Variants in ADAM9 observed in about 807,000 individuals in gnomAD.
The protein encoded by ADAM9 is disintegrin and metalloproteinase domain-containing protein 9.
A neutral mutation model predicts 108.1 loss-of-function variants in ADAM9; 54 were observed. That is an observed-to-expected ratio of 0.50 (90% CI 0.40 to 0.63). The LOEUF (loss-of-function observed/expected upper bound fraction) is 0.63. Among genes scored for constraint, ADAM9 ranks in the 20% least tolerant of loss-of-function variants. ADAM9 has a pLI of 0.00. For synonymous variants in ADAM9, 316 were observed against 336.0 expected, an observed-to-expected ratio of 0.94 and a Z score of 0.65; for missense variants, 830 against 997.7, an observed-to-expected ratio of 0.83 and a Z score of 2.26.
At chr8:39,081,244 C>T (rs1057031804) in intron 16 of ADAM9, among the ~76,000 whole-genome samples, 4 of 151,434 alleles carry the variant, frequency 2.6e-5, no homozygotes, top group South Asian at 2.1e-4. Flanking sequence ...CCACTGCACC[C>T]GGTCCCCACT....
At chr8:39,017,458 A>C in intron 6 of ADAM9, 44 bp downstream of exon 6, 1 of 1,581,028 alleles carries the variant, frequency 6.3e-7, no homozygotes, top group Non-Finnish European at 8.7e-7. Context: ...CTACCATTTT[A>C]GAAAAATCAT....
intron 16 of ADAM9, among the ~76,000 whole-genome samples, chr8:39,078,878 A>G (rs1385804074): frequency 2.0e-5 from 3 of 152,214 alleles, no homozygotes; most frequent in Non-Finnish European, 4.4e-5. Flanking sequence ...ATAGATAAGA[A>G]TTCAATTTTC....
chr8:39,064,519 A>G (rs572727329), intron 14 of ADAM9, among the ~76,000 whole-genome samples: 1 of 152,344 alleles, frequency 6.6e-6, no homozygotes, highest in African/African-American at 2.4e-5. Flanking sequence ...CAAGATGGAG[A>G]CACAGGAGAG....
At chr8:39,048,739 A>G (rs779065605) in intron 12 of ADAM9, among the ~76,000 whole-genome samples, 2 of 152,152 alleles carry the variant, frequency 1.3e-5, no homozygotes, top group Non-Finnish European at 2.9e-5. Context: ...CTTGCATTAC[A>G]TATTTAGGTG....
Position 39,013,373 on chromosome 8 carries a change from G to A in ADAM9, c.255-592G>A, listed in dbSNP as rs1056229082. ...TGAAAAATTTAGGGACATTATTTATGTTGTCTTAAATTTTTTGGAACTAGC... is the reference window on the plus strand; with the variant it reads ...TGAAAAATTTAGGGACATTATTTATATTGTCTTAAATTTTTTGGAACTAGC... On this transcript the variant is annotated intron_variant, in intron 3 of 21. Transcript: ENST00000487273. Among the ~76,000 whole-genome samples the A allele has an allele frequency of 7.8e-5, 5 of 63,946 alleles. No individual in the cohort carries two copies. In the Admixed American group the frequency reaches 9.8e-4, roughly 13 times the overall value. The allele number at this position is 63,946 out of a possible 152,430, so 42.0% of individuals were successfully genotyped here. A position where few individuals can be genotyped will look rare whatever the true frequency, so the allele number is the denominator to read the frequency against.
chr8:39,052,868 G>A (rs1232163994), intron 12 of ADAM9, among the ~76,000 whole-genome samples: 2 of 152,062 alleles, frequency 1.3e-5, no homozygotes, highest in Admixed American at 1.3e-4. Context: ...AGAATGACTT[G>A]GTTAGATGGT....
intron 5 of ADAM9, among the ~76,000 whole-genome samples, chr8:39,016,505 ATT>A (rs1836531632): frequency 6.6e-6 from 1 of 152,230 alleles, no homozygotes; most frequent in Non-Finnish European, 1.5e-5. Flanking sequence ...CACTTGTATT[ATT>A]TAAGACTTGT....
chr8:39,040,161 T>C (rs2129436114), intron 11 of ADAM9, among the ~76,000 whole-genome samples: 1 of 152,296 alleles, frequency 6.6e-6, no homozygotes, highest in South Asian at 2.1e-4. Context: ...GCGATTCTCC[T>C]ACCTCAGCCT....
rs754361731 is a variant in ADAM9, at chr8:39,042,116, A to G, written c.1301A>G (p.Lys434Arg). The G allele has an allele frequency of 6.2e-7, 1 of 1,613,982 alleles. No individual in the cohort carries two copies. The highest frequency in any genetic ancestry group is 1.1e-5 in the South Asian group (1 of 91,088). ...AGEECDCGTP[K>R]ECELDPCCEG... ...GAAGAGTGTGACTGTGGTACTCCAA[A>G]GGTCAGTTTAATTTTTGACTTTTGC... The change falls in exon 12 of 22, where the codon AAG (lysine) becomes AGG (arginine). Residue 434 changes from lysine (K) to arginine (R), a missense_variant and splice_region_variant. Lys to Arg is a conservative substitution (Grantham distance 26). This residue lies in a region of ADAM9 where 381 missense variants were observed against 539.8 expected (regional missense o/e 0.71). Transcript: ENST00000487273.
intron 20 of ADAM9, among the ~76,000 whole-genome samples, chr8:39,093,853 T>G (rs1839423938): frequency 6.6e-6 from 1 of 152,250 alleles, no homozygotes; most frequent in South Asian, 2.1e-4. Flanking sequence ...TACTGCAACC[T>G]CTTTCTCACA....
At chr8:39,057,745 G>C (rs1838171999) in intron 14 of ADAM9, among the ~76,000 whole-genome samples, 1 of 152,072 alleles carries the variant, frequency 6.6e-6, no homozygotes, top group Non-Finnish European at 1.5e-5. Context: ...ATTGGATGGG[G>C]CCCACCTCCA....
intron 11 of ADAM9, among the ~76,000 whole-genome samples, chr8:39,031,692 C>A (rs756062902): frequency 4.6e-5 from 7 of 152,182 alleles, no homozygotes; most frequent in Non-Finnish European, 7.3e-5. Flanking sequence ...TGTTCCGTTG[C>A]TGGCGAGGAG....
chr8:39,091,463 A>G (rs1839352353), intron 20 of ADAM9, 117 bp downstream of exon 20: 1 of 983,838 alleles, frequency 1.0e-6, no homozygotes, highest in Non-Finnish European at 1.5e-6. Context: ...TTAAGAATTC[A>G]AGAGTATTGT....
intron 1 of ADAM9, among the ~76,000 whole-genome samples, chr8:38,997,365 C>G (rs1006280426): frequency 6.6e-6 from 1 of 152,110 alleles, no homozygotes; most frequent in Non-Finnish European, 1.5e-5. Flanking sequence ...TGGCCCGGGT[C>G]CTCTGCCCGG....
At chr8:39,038,738 A>G (rs1398193343) in intron 11 of ADAM9, among the ~76,000 whole-genome samples, 1 of 151,878 alleles carries the variant, frequency 6.6e-6, no homozygotes, top group Admixed American at 6.6e-5. Flanking sequence ...GCACAAAAGG[A>G]CTCCTCCCCA....
intron 7 of ADAM9, among the ~76,000 whole-genome samples, chr8:39,020,499 AT>A (rs1202699341): frequency 6.6e-6 from 1 of 152,182 alleles, no homozygotes; most frequent in Non-Finnish European, 1.5e-5. Flanking sequence ...TCCTTTTAAA[AT>A]TTTTCTTCTG....
chr8:39,062,401 T>C (rs948671042), intron 14 of ADAM9, among the ~76,000 whole-genome samples: 1 of 152,240 alleles, frequency 6.6e-6, no homozygotes, highest in African/African-American at 2.4e-5. Context: ...CAAATTAGAC[T>C]TTTGTTTACT....
At chr8:39,093,073 G>T (rs1057361020) in intron 20 of ADAM9, among the ~76,000 whole-genome samples, 1 of 152,060 alleles carries the variant, frequency 6.6e-6, no homozygotes, top group Non-Finnish European at 1.5e-5. Context: ...CTCAAGATTG[G>T]TTTAGTGATT....
intron 12 of ADAM9, among the ~76,000 whole-genome samples, chr8:39,048,079 C>G (rs1837832649): frequency 1.3e-5 from 2 of 151,930 alleles, no homozygotes; most frequent in South Asian, 4.2e-4. Context: ...CACCACCATG[C>G]CTAGCTAATT....
Sources: allele counts gnomAD v4.1 joint callset (sites outside exome capture counted in the v4.1 genomes callset), GRCh38; gene constraint gnomAD v4.1.1; regional missense constraint gnomAD v4.1.1; transcripts MANE v1.5; gene names NCBI Gene and HGNC (gene_info 2026-07-23, HGNC 2026-07-21).